NPLOC4: variants seen among roughly 807,000 people sequenced by gnomAD.
The protein encoded by NPLOC4 is nuclear protein localization protein 4 homolog.
NPLOC4 carries 18 observed loss-of-function variants against 80.6 expected under a neutral mutation model. The observed-to-expected ratio is 0.22, with a 90% CI of 0.15 to 0.33. The LOEUF (loss-of-function observed/expected upper bound fraction) is 0.33, where lower values mean the gene tolerates loss of function less well. NPLOC4 is among the 10% of genes least tolerant of loss of function. The probability of loss-of-function intolerance (pLI) is 1.00; values close to 1 mark genes in which losing one functional copy is unlikely to be tolerated. For synonymous variants in NPLOC4, 313 were observed against 301.5 expected, an observed-to-expected ratio of 1.04 and a Z score of -0.39; for missense variants, 540 against 786.1, an observed-to-expected ratio of 0.69 and a Z score of 3.74.
intron 15 of NPLOC4, among the ~76,000 whole-genome samples, chr17:81,566,106 G>C (rs2034004376): frequency 6.6e-6 from 1 of 152,220 alleles, no homozygotes; most frequent in South Asian, 2.1e-4. Context: ...GGCAGAGGCA[G>C]ACAGATCACG....
chr17:81,611,122 C>T (rs1027491578), intron 4 of NPLOC4, among the ~76,000 whole-genome samples: 50 of 151,940 alleles, frequency 3.3e-4, no homozygotes, highest in African/African-American at 1.2e-3. Context: ...GAGTTAAAGA[C>T]AAGCCTGGCC....
intron 8 of NPLOC4, 46 bp downstream of exon 8, chr17:81,604,502 G>A: frequency 1.3e-6 from 2 of 1,576,892 alleles, no homozygotes; most frequent in Non-Finnish European, 1.7e-6. Context: ...GTCCCCCACA[G>A]CCTCCAAACA....
rs552404193 is a variant in NPLOC4 at position 81,608,939 on chromosome 17, C to A, written c.436-117G>T. On this transcript the variant is annotated intron_variant, in intron 5 of 16. Transcript: ENST00000331134. ...CATGGCCTTGGCAAGTCAAGGCCCA[C>A]AGTGAAAGCAGGTACTAGGGTCTCC... 37 of 683,680 alleles carry A rather than the reference C, an allele frequency of 5.4e-5. No individual in the cohort carries two copies. In the African/African-American group the frequency reaches 5.7e-4, roughly 11 times the overall value. The allele number at this position is 683,680 out of a possible 1,614,324, so 42.4% of individuals were successfully genotyped here. A position where few individuals can be genotyped will look rare whatever the true frequency, so the allele number is the denominator to read the frequency against.
chr17:81,559,475 G>A (rs1467623208), intron 16 of NPLOC4, 59 bp from the exon 17 acceptor site: 9 of 1,532,116 alleles, frequency 5.9e-6, no homozygotes, highest in East Asian at 2.4e-5. Flanking sequence ...GACTGCCAGA[G>A]TGTGGGCATG....
intron 8 of NPLOC4, among the ~76,000 whole-genome samples, 183 bp downstream of exon 8, chr17:81,604,365 C>A (rs9913546): frequency 0.23 from 34,977 of 151,972 alleles, 4,305 homozygotes; most frequent in Middle Eastern, 0.3. Flanking sequence ...TAGTAACATA[C>A]ACTGAAGGTT....
intron 2 of NPLOC4, among the ~76,000 whole-genome samples, chr17:81,625,712 CAG>C (rs1158277721): frequency 1.3e-5 from 2 of 151,672 alleles, no homozygotes; most frequent in Non-Finnish European, 2.9e-5. Flanking sequence ...GCCTGAGCGA[CAG>C]AGTGAGAATC....
At chr17:81,576,342 C>T (rs1424062486) in intron 12 of NPLOC4, among the ~76,000 whole-genome samples, 2 of 152,146 alleles carry the variant, frequency 1.3e-5, no homozygotes, top group African/African-American at 2.4e-5. Flanking sequence ...AGCAGGTCCA[C>T]CTATAGGCAG....
Position 81,610,199 on chromosome 17 carries a change from G to C in NPLOC4, c.435+11C>G. 1.9e-6 allele frequency: 3 copies of C among 1,568,882 alleles called. No homozygotes were observed. Among genetic ancestry groups the C allele is most frequent in the Non-Finnish European group, 2.6e-6 (3 of 1,157,480 alleles). The stretch of plus-strand genomic sequence containing the variant: ...ACACTGGCCCAGAACTTACTCCGCA[G>C]AGACTCTCACCTCTAGAGGGACGCA... On this transcript the variant is annotated intron_variant, in intron 5 of 16. Coordinates refer to ENST00000331134, the MANE Select transcript of NPLOC4 (RefSeq NM_017921.4).
intron 1 of NPLOC4, among the ~76,000 whole-genome samples, chr17:81,631,617 G>A (rs1193020177): frequency 6.6e-6 from 1 of 151,896 alleles, no homozygotes; most frequent in Non-Finnish European, 1.5e-5. Flanking sequence ...CTTTAGACAA[G>A]GAGGATGACA....
intron 4 of NPLOC4, among the ~76,000 whole-genome samples, chr17:81,612,210 G>T (rs1052384382): frequency 6.6e-6 from 1 of 152,090 alleles, no homozygotes; most frequent in Admixed American, 6.6e-5. Context: ...GGGCGCCGGC[G>T]GCCGTCCCTC....
At chr17:81,593,542 T>C (rs898059291) in intron 11 of NPLOC4, among the ~76,000 whole-genome samples, 2 of 152,066 alleles carry the variant, frequency 1.3e-5, no homozygotes, top group African/African-American at 2.4e-5. Context: ...ATTAACTATG[T>C]TACCCATGAA....
intron 11 of NPLOC4, among the ~76,000 whole-genome samples, chr17:81,589,815 T>C (rs987020226): frequency 7.5e-5 from 11 of 147,120 alleles, no homozygotes; most frequent in African/African-American, 2.5e-4. Flanking sequence ...CTGGGCAACA[T>C]AGTGAGACCC....
Position 81,567,584 on chromosome 17 carries a change from G to T in NPLOC4, c.1450-51C>A. 1 of 1,145,454 alleles carries T rather than the reference G, an allele frequency of 8.7e-7. No homozygotes were observed. Among genetic ancestry groups the T allele is most frequent in the Non-Finnish European group, 1.3e-6 (1 of 770,918 alleles). 71.0% of individuals were successfully genotyped at this position (1,145,454 alleles called of 1,614,324 possible). On this transcript the variant is annotated intron_variant, in intron 14 of 16. Transcript: ENST00000331134. This position sits in a 1 kb window ranked among gnomAD's most constrained non-coding sequence, Gnocchi z 4.5. ...TGTTCCATACAGTTCCCCAGTGCCA[G>T]ACCCCGAAACAGAGCTGTTTCCTAC... is the stretch of plus-strand genomic sequence containing the variant.
rs2034344931 is a variant in NPLOC4 at position 81,577,968 on chromosome 17, G to C, written c.1282-5880C>G. On this transcript the variant is annotated intron_variant, in intron 12 of 16. Transcript: ENST00000331134. This position sits in a 1 kb window ranked among gnomAD's most constrained non-coding sequence, Gnocchi z 4.3. ...GCCCAGGATGGGTCTTCTACAGCGG[G>C]GACCTCCCCTGCCCACCCCATCCGG... Among the ~76,000 whole-genome samples the C allele has an allele frequency of 6.6e-6, 1 of 152,110 alleles. No individual in the cohort carries two copies. The highest frequency in any genetic ancestry group is 6.5e-5 in the Admixed American group (1 of 15,282).
At chr17:81,559,713 T>TG (rs1453367912) in intron 16 of NPLOC4, among the ~76,000 whole-genome samples, 3 of 148,798 alleles carry the variant, frequency 2.0e-5, no homozygotes, top group Admixed American at 1.3e-4. Flanking sequence ...GATGTGCATT[T>TG]GGGTTGTTTC....
At chr17:81,599,987 A>G (rs928014501) in intron 9 of NPLOC4, among the ~76,000 whole-genome samples, 1 of 152,200 alleles carries the variant, frequency 6.6e-6, no homozygotes, top group African/African-American at 2.4e-5. Context: ...GAAGGGACAC[A>G]CATGCACAGA....
At chr17:81,575,560 C>A (rs1019176666) in intron 12 of NPLOC4, among the ~76,000 whole-genome samples, 2 of 152,214 alleles carry the variant, frequency 1.3e-5, no homozygotes, top group Non-Finnish European at 2.9e-5. Flanking sequence ...CTACTGCTGT[C>A]CAAGACAGGA....
At chr17:81,602,813 G>A (rs907655093) in intron 8 of NPLOC4, among the ~76,000 whole-genome samples, 2 of 151,888 alleles carry the variant, frequency 1.3e-5, no homozygotes, top group African/African-American at 4.8e-5. Context: ...GCTGAGGCGA[G>A]TGAACTGTGT....
chr17:81,576,093 T>A (rs777277850), intron 12 of NPLOC4, among the ~76,000 whole-genome samples: 4 of 152,106 alleles, frequency 2.6e-5, no homozygotes, highest in African/African-American at 4.8e-5. Context: ...TGACCAGAAG[T>A]AAGACATGAG....
Sources: allele counts gnomAD v4.1 joint callset (sites outside exome capture counted in the v4.1 genomes callset), GRCh38; gene constraint gnomAD v4.1.1; non-coding constraint Gnocchi (gnomAD v3.1); transcripts MANE v1.5; gene names NCBI Gene and HGNC (gene_info 2026-07-23, HGNC 2026-07-21).